The following CAMK2B variants were observed in gnomAD, a reference collection of about 807,000 sequenced individuals.
CAMK2B encodes calcium/calmodulin-dependent protein kinase type II subunit beta.
CAMK2B carries 27 observed loss-of-function variants against 93.7 expected under a neutral mutation model. The observed-to-expected ratio is 0.29, with a 90% confidence interval of 0.21 to 0.40. CAMK2B has a LOEUF of 0.40. Among genes scored for constraint, CAMK2B ranks in the 10% least tolerant of loss-of-function variants. The probability of loss-of-function intolerance (pLI) is 1.00; values close to 1 mark genes in which losing one functional copy is unlikely to be tolerated. For synonymous variants in CAMK2B, 374 were observed against 358.8 expected, an observed-to-expected ratio of 1.04 and a Z score of -0.48; for missense variants, 568 against 895.8, an observed-to-expected ratio of 0.63 and a Z score of 4.67.
chr7:44,290,022 G>A (rs1446263979), intron 1 of CAMK2B, among the ~76,000 whole-genome samples: 1 of 152,122 alleles, frequency 6.6e-6, no homozygotes. Context: ...GAGCCTCACC[G>A]GTCGGTTGCA....
intron 2 of CAMK2B, chr7:44,266,771 A>G (rs2096925185): frequency 6.6e-6 from 1 of 152,226 alleles, no homozygotes; most frequent in Non-Finnish European, 1.5e-5. Context: ...AGGCCTCCTG[A>G]GTGGCCAGCC....
At chr7:44,274,633 C>T (rs1290416982) in intron 2 of CAMK2B, among the ~76,000 whole-genome samples, 1 of 151,884 alleles carries the variant, frequency 6.6e-6, no homozygotes, top group Non-Finnish European at 1.5e-5. Context: ...ACACTCTTCT[C>T]CTCCCACCTG....
chr7:44,283,337 C>A (rs1784221417), intron 2 of CAMK2B, among the ~76,000 whole-genome samples: 1 of 151,938 alleles, frequency 6.6e-6, no homozygotes. Context: ...GCAGGGAGAC[C>A]CCGTGAGGGC....
intron 2 of CAMK2B, among the ~76,000 whole-genome samples, chr7:44,282,926 G>A (rs555664862): frequency 6.6e-6 from 1 of 152,348 alleles, no homozygotes; most frequent in South Asian, 2.1e-4. Flanking sequence ...AATCAAGGCT[G>A]CTGGTGGTGC....
intron 1 of CAMK2B, among the ~76,000 whole-genome samples, chr7:44,306,046 G>A (rs1473122067): frequency 1.3e-5 from 2 of 152,272 alleles, no homozygotes; most frequent in East Asian, 1.9e-4. Context: ...AATACCCAGA[G>A]GGAGGGGGGT....
intron 20 of CAMK2B, 172 bp from the exon 21 acceptor site, chr7:44,221,073 C>A: frequency 1.7e-6 from 1 of 587,626 alleles, no homozygotes; most frequent in African/African-American, 1.9e-5. Flanking sequence ...CCAGTGGCTT[C>A]CTCATTTTCA....
chr7:44,308,295 G>A (rs1269560987), intron 1 of CAMK2B, among the ~76,000 whole-genome samples: 4 of 152,198 alleles, frequency 2.6e-5, no homozygotes, highest in African/African-American at 9.7e-5. Flanking sequence ...GCTGAGCTGT[G>A]GGATGAAAGA....
rs745435440 is a variant in CAMK2B, at chr7:44,240,757, G to A, written c.904-8C>T. The A allele has an allele frequency of 3.1e-5, 50 of 1,613,554 alleles. No homozygotes were observed. The highest frequency in any genetic ancestry group is 4.2e-5 in the Non-Finnish European group (49 of 1,179,882). ...GGTGGTGAGGATGGCTCCCTGGGGA[G>A]AGACACAGATAAAACCGGGGCTATC... On this transcript the variant is annotated splice_region_variant and splice_polypyrimidine_tract_variant and intron_variant, in intron 11 of 23. Transcript: ENST00000395749.
In CAMK2B at chr7:44,312,100, C is replaced by T. The variant is rs890070484; in HGVS notation, c.65+13257G>A. 2.8e-4 allele frequency among the ~76,000 whole-genome samples: 42 copies of T among 152,228 alleles called. No homozygotes were observed. Among genetic ancestry groups the T allele is most frequent in the African/African-American group, 8.7e-4 (36 of 41,470 alleles). ...GTGACCAAGGCTGGGAAGAGCCCCA[C>T]ATTTACCCCAGGGCAGTGAGGCCAC... On this transcript the variant is annotated intron_variant, in intron 1 of 23. Transcript: ENST00000395749. The surrounding 1 kb of genome is among the most constrained non-coding windows in gnomAD (Gnocchi z 4.1).
intron 13 of CAMK2B, among the ~76,000 whole-genome samples, chr7:44,236,449 ACT>A (rs1186656444): frequency 6.6e-6 from 1 of 151,384 alleles, no homozygotes; most frequent in Non-Finnish European, 1.5e-5. Context: ...CTCAGGCATC[ACT>A]CTCCGTCCCC....
intron 1 of CAMK2B, among the ~76,000 whole-genome samples, chr7:44,319,535 A>G (rs1396618254): frequency 6.6e-6 from 1 of 152,194 alleles, no homozygotes; most frequent in African/African-American, 2.4e-5. Flanking sequence ...AGTTCTTTCA[A>G]GTGAGACCTG....
intron 1 of CAMK2B, among the ~76,000 whole-genome samples, chr7:44,291,320 CCA>C (rs1786769982): frequency 6.6e-6 from 1 of 152,126 alleles, no homozygotes; most frequent in African/African-American, 2.4e-5. Context: ...GTCCCCAGGC[CCA>C]GAGTAACATC....
intron 6 of CAMK2B, among the ~76,000 whole-genome samples, chr7:44,244,381 A>C (rs2096710864): frequency 6.6e-6 from 1 of 152,102 alleles, no homozygotes; most frequent in Non-Finnish European, 1.5e-5. Flanking sequence ...TTCCTGTCCC[A>C]GCTTTCAAAC....
rs1425613223 is a variant in CAMK2B, at chr7:44,286,324, G to C, written c.66-2099C>G. Among the ~76,000 whole-genome samples the C allele has an allele frequency of 6.6e-6, 1 of 152,188 alleles. No individual in the cohort carries two copies. The highest frequency in any genetic ancestry group is 1.5e-5 in the Non-Finnish European group (1 of 68,028). On this transcript the variant is annotated intron_variant, in intron 1 of 23. Transcript: ENST00000395749. The surrounding 1 kb of genome is among the most constrained non-coding windows in gnomAD (Gnocchi z 4.0). ...CACTGAGTGTTCTGGACCAGGCCCT[G>C]AAGGGAGCAGGGAGTCTGGGCCTCC...
At chr7:44,275,351 C>T (rs1352872586) in intron 2 of CAMK2B, among the ~76,000 whole-genome samples, 2 of 152,246 alleles carry the variant, frequency 1.3e-5, no homozygotes, top group Non-Finnish European at 2.9e-5. Flanking sequence ...ATGATGCTGC[C>T]CACCCTTTCT....
intron 15 of CAMK2B, among the ~76,000 whole-genome samples, chr7:44,233,339 T>C (rs1198842020): frequency 6.6e-6 from 1 of 152,116 alleles, no homozygotes; most frequent in Non-Finnish European, 1.5e-5. Context: ...GCACGTGGGC[T>C]GCCCTGGCCA....
chr7:44,317,913 T>G (rs1443081365), intron 1 of CAMK2B, among the ~76,000 whole-genome samples: 9 of 152,140 alleles, frequency 5.9e-5, no homozygotes, highest in African/African-American at 2.2e-4. Flanking sequence ...AGAGTCTAGG[T>G]ATGCAGTGCC....
chr7:44,266,248 G>A (rs1216215043), intron 2 of CAMK2B, among the ~76,000 whole-genome samples: 5 of 152,168 alleles, frequency 3.3e-5, no homozygotes, highest in Admixed American at 1.3e-4. Flanking sequence ...ACAAGGAAGA[G>A]GCGTTCTCTC....
intron 1 of CAMK2B, among the ~76,000 whole-genome samples, chr7:44,302,221 T>C (rs1236288665): frequency 2.0e-5 from 3 of 152,182 alleles, no homozygotes; most frequent in Admixed American, 6.5e-5. Context: ...TAATGTAATA[T>C]AAACAGGACT....
Sources: gnomAD v4.1 joint callset for allele counts (sites outside exome capture counted in the v4.1 genomes callset) on GRCh38, gnomAD v4.1.1 for gene constraint, Gnocchi (gnomAD v3.1) non-coding constraint, MANE v1.5 for transcripts, NCBI Gene and HGNC (gene_info 2026-07-23, HGNC 2026-07-21) for gene names.